Variants in TMEFF2 observed in about 807,000 individuals in gnomAD.
The protein encoded by TMEFF2 is tomoregulin-2.
TMEFF2 carries 28 observed loss-of-function variants against 53.8 expected under a neutral mutation model. The observed-to-expected ratio is 0.52, with a 90% CI of 0.39 to 0.71. The LOEUF (loss-of-function observed/expected upper bound fraction) is 0.71. Ranked by LOEUF, TMEFF2 falls within the 30% of genes least tolerant of loss-of-function variation. TMEFF2 has a pLI of 0.00. For missense variants in TMEFF2, 353 were observed against 455.2 expected (o/e 0.78, Z 2.04); for synonymous variants, 162 against 166.3 (o/e 0.97, Z 0.20).
In TMEFF2 at chr2:191,950,111, A is replaced by G; in HGVS notation, c.*200T>C. ...TATAAATAGTTTATTTACATTACAG[A>G]AAAAACATCAAGACAATGTATACTA... On this transcript the variant is annotated 3_prime_UTR_variant, in exon 10 of 10. Coordinates refer to ENST00000272771, the MANE Select transcript of TMEFF2 (RefSeq NM_016192.4). 7.5e-7 allele frequency: 1 copy of G among 1,324,788 alleles called. No individual in the cohort carries two copies. The highest frequency in any genetic ancestry group is 9.7e-7 in the Non-Finnish European group (1 of 1,036,170). 82.1% of individuals were successfully genotyped at this position (1,324,788 alleles called of 1,614,324 possible).
intron 4 of TMEFF2, among the ~76,000 whole-genome samples, chr2:192,156,281 A>C (rs935297688): frequency 6.6e-6 from 1 of 152,076 alleles, no homozygotes; most frequent in East Asian, 1.9e-4. Flanking sequence ...GAATGTTTAT[A>C]TGTACCGGAT....
chr2:192,010,471 GGTAAGGTCCTCT>G (rs1336157505), intron 5 of TMEFF2, among the ~76,000 whole-genome samples: 32 of 152,260 alleles, frequency 2.1e-4, no homozygotes, highest in African/African-American at 7.5e-4. Flanking sequence ...GTGAACCCCA[GGTAAGGTCCTCT>G]GGTCAAAGGT....
chr2:192,156,685 A>G (rs1690513859), intron 4 of TMEFF2, among the ~76,000 whole-genome samples: 1 of 152,086 alleles, frequency 6.6e-6, no homozygotes, highest in African/African-American at 2.4e-5. Flanking sequence ...AAAAATAAAC[A>G]CAAAAATCCC....
chr2:192,179,890 A>G (rs1272609656), intron 3 of TMEFF2, among the ~76,000 whole-genome samples, 196 bp from the exon 4 acceptor site: 2 of 151,532 alleles, frequency 1.3e-5, no homozygotes, highest in African/African-American at 2.4e-5. Flanking sequence ...TAAATTATCC[A>G]TCATTTTTAT....
intron 5 of TMEFF2, among the ~76,000 whole-genome samples, chr2:192,003,067 C>T (rs1462614296): frequency 6.6e-6 from 1 of 152,140 alleles, no homozygotes; most frequent in Admixed American, 6.6e-5. Context: ...TCTCTATTTG[C>T]AGTGATTGAA....
intron 4 of TMEFF2, among the ~76,000 whole-genome samples, chr2:192,130,656 G>A (rs1689797744): frequency 6.6e-6 from 1 of 151,490 alleles, no homozygotes; most frequent in African/African-American, 2.4e-5. Flanking sequence ...CTCTTTGACT[G>A]TAATTTTCCA....
At chr2:191,993,560 A>G (rs1422033536) in intron 7 of TMEFF2, among the ~76,000 whole-genome samples, 1 of 151,980 alleles carries the variant, frequency 6.6e-6, no homozygotes, top group Admixed American at 6.6e-5. Flanking sequence ...ACTATAATCC[A>G]GCATAGTCTT....
At chr2:192,005,686 G>T (rs374418725) in intron 5 of TMEFF2, among the ~76,000 whole-genome samples, 1 of 152,060 alleles carries the variant, frequency 6.6e-6, no homozygotes, top group African/African-American at 2.4e-5. Context: ...GGGCCATTAC[G>T]CAGACCCTCT....
In TMEFF2 at chr2:191,953,883, ATTTTTTTT is replaced by A. The variant is rs563154787; in HGVS notation, c.870-54_870-47del. 9.7e-5 allele frequency: 59 copies of A among 610,266 alleles called. 2 individuals carry two copies. The highest frequency in any genetic ancestry group is 1.2e-3 in the Middle Eastern group (2 of 1,708). 37.8% of individuals were successfully genotyped at this position (610,266 alleles called of 1,614,324 possible). On this transcript the variant is annotated intron_variant, in intron 8 of 9. Transcript: ENST00000272771. Reference sequence around the variant, plus strand: ...CAGTTACCTGTAGGGTGCTGCATTCATTTTTTTTTTTTTTTTTTTTTTTTGAGACGGAG... The same window carrying A: ...CAGTTACCTGTAGGGTGCTGCATTCATTTTTTTTTTTTTTTTGAGACGGAG...
At chr2:192,069,963 A>C (rs1252516544) in intron 4 of TMEFF2, among the ~76,000 whole-genome samples, 1 of 89,050 alleles carries the variant, frequency 1.1e-5, no homozygotes, top group African/African-American at 3.7e-5. Context: ...GATTTAGAAA[A>C]ATGTGTGTGT....
chr2:192,171,369 G>A (rs746964498), intron 4 of TMEFF2, among the ~76,000 whole-genome samples: 2 of 151,786 alleles, frequency 1.3e-5, no homozygotes, highest in Non-Finnish European at 2.9e-5. Context: ...TAATTGCACA[G>A]GTCTCCCTGC....
chr2:191,979,720 T>C (rs2105813348), intron 7 of TMEFF2, among the ~76,000 whole-genome samples: 1 of 152,106 alleles, frequency 6.6e-6, no homozygotes, highest in African/African-American at 2.4e-5. Flanking sequence ...TACAAGTTCT[T>C]CCTTAAAATG....
intron 5 of TMEFF2, among the ~76,000 whole-genome samples, chr2:192,034,435 C>T (rs1687231976): frequency 6.6e-6 from 1 of 152,090 alleles, no homozygotes; most frequent in Non-Finnish European, 1.5e-5. Flanking sequence ...AAAAAAATCA[C>T]GAATATGTTG....
intron 5 of TMEFF2, among the ~76,000 whole-genome samples, chr2:192,051,812 C>T (rs1447255308): frequency 2.0e-5 from 3 of 152,212 alleles, no homozygotes; most frequent in Non-Finnish European, 4.4e-5. Context: ...TCAAACTAAA[C>T]TGTCTTTGTA....
At chr2:192,007,322 A>G (rs561518407) in intron 5 of TMEFF2, among the ~76,000 whole-genome samples, 1 of 152,206 alleles carries the variant, frequency 6.6e-6, no homozygotes, top group Non-Finnish European at 1.5e-5. Flanking sequence ...ACCAAGACCA[A>G]GTGGCAGAAA....
chr2:192,081,991 A>G (rs920910638), intron 4 of TMEFF2, among the ~76,000 whole-genome samples: 1 of 151,780 alleles, frequency 6.6e-6, no homozygotes, highest in Admixed American at 6.6e-5. Context: ...TAGTAGAGAC[A>G]GGGTTTCACC....
chr2:191,957,608 T>A (rs1348101361), intron 7 of TMEFF2, among the ~76,000 whole-genome samples: 2 of 152,216 alleles, frequency 1.3e-5, no homozygotes, highest in Non-Finnish European at 2.9e-5. Context: ...TATACATCTT[T>A]AAGATCCAGA....
chr2:192,035,727 T>C (rs185455826), intron 5 of TMEFF2, among the ~76,000 whole-genome samples: 24 of 152,318 alleles, frequency 1.6e-4, no homozygotes, highest in African/African-American at 5.3e-4. Flanking sequence ...TGCAGCTCTT[T>C]CTGTCTGCAT....
In TMEFF2 at chr2:191,973,769, T is replaced by C. The variant is rs182091159; in HGVS notation, c.746-17391A>G. Reference sequence around the variant, plus strand: ...ACAGGAGGGATCCGGTGGGAGGTAATTGAATCATGGGGGCAGTTACCTCTA... The same window carrying C: ...ACAGGAGGGATCCGGTGGGAGGTAACTGAATCATGGGGGCAGTTACCTCTA... On this transcript the variant is annotated intron_variant, in intron 7 of 9. Coordinates refer to ENST00000272771, the MANE Select transcript of TMEFF2 (RefSeq NM_016192.4). Among the ~76,000 whole-genome samples the C allele has an allele frequency of 1.7e-4, 26 of 152,242 alleles. No individual in the cohort carries two copies. In the East Asian group the frequency reaches 4.4e-3, roughly 26 times the overall value.
Sources: gnomAD v4.1 joint callset for allele counts (sites outside exome capture counted in the v4.1 genomes callset) on GRCh38, gnomAD v4.1.1 for gene constraint, MANE v1.5 for transcripts, NCBI Gene and HGNC (gene_info 2026-07-23, HGNC 2026-07-21) for gene names.